Variants in NINL observed in about 807,000 individuals in gnomAD.
The protein encoded by NINL is ninein-like protein.
A neutral mutation model predicts 160.3 loss-of-function variants in NINL; 153 were observed. The observed-to-expected ratio is 0.95, with a 90% CI of 0.84 to 1.09. The LOEUF is 1.09. Among genes scored for constraint, NINL ranks in the 50% least tolerant of loss-of-function variants. NINL has a pLI of 0.00. For missense variants in NINL, 1,829 were observed against 1,764.0 expected (o/e 1.04, Z -0.66); for synonymous variants, 800 against 734.8 (o/e 1.09, Z -1.43).
At chr20:25,584,888 C>A (rs767858495) in intron 1 of NINL, among the ~76,000 whole-genome samples, 3 of 152,264 alleles carry the variant, frequency 2.0e-5, no homozygotes, top group Non-Finnish European at 4.4e-5. Flanking sequence ...AGGGGCGAAT[C>A]TGCAAAACGA....
chr20:25,543,051 A>AAG (rs1555875655), intron 1 of NINL, among the ~76,000 whole-genome samples: 8 of 151,640 alleles, frequency 5.3e-5, no homozygotes, highest in South Asian at 2.1e-4. Flanking sequence ...AAAAAAAAAA[A>AAG]AAAGAAAGAA....
chr20:25,576,586 G>A (rs2065117979), intron 1 of NINL, among the ~76,000 whole-genome samples: 1 of 152,120 alleles, frequency 6.6e-6, no homozygotes, highest in South Asian at 2.1e-4. Context: ...AGCTTCTCAA[G>A]TAGCTTGAAC....
chr20:25,560,318 C>T (rs148481128), intron 1 of NINL, among the ~76,000 whole-genome samples: 1 of 152,280 alleles, frequency 6.6e-6, no homozygotes, highest in African/African-American at 2.4e-5. Context: ...TTCATTATAA[C>T]CAGAGAGCAA....
At chr20:25,494,438 C>T (rs890826110) in intron 10 of NINL, among the ~76,000 whole-genome samples, 3 of 152,006 alleles carry the variant, frequency 2.0e-5, no homozygotes, top group Non-Finnish European at 4.4e-5. Context: ...ACCTGAGGTC[C>T]CATGAACGCT....
intron 1 of NINL, among the ~76,000 whole-genome samples, chr20:25,564,405 C>T (rs2064977609): frequency 6.6e-6 from 1 of 152,162 alleles, no homozygotes; most frequent in African/African-American, 2.4e-5. Flanking sequence ...GCAACCTCCA[C>T]CTCTTGGGTT....
intron 13 of NINL, among the ~76,000 whole-genome samples, chr20:25,485,881 T>C (rs1359219313): frequency 6.6e-6 from 1 of 152,268 alleles, no homozygotes; most frequent in African/African-American, 2.4e-5. Flanking sequence ...TTTAACATCC[T>C]TGACTCTGAA....
chr20:25,497,292 C>A (rs1419632045), intron 9 of NINL, among the ~76,000 whole-genome samples: 1 of 152,252 alleles, frequency 6.6e-6, no homozygotes, highest in Non-Finnish European at 1.5e-5. Context: ...GTGGTCTCAG[C>A]TCTGCCTGGC....
intron 16 of NINL, 102 bp downstream of exon 16, chr20:25,478,821 C>A (rs763533497): frequency 5.1e-6 from 7 of 1,374,462 alleles, no homozygotes; most frequent in Non-Finnish European, 6.8e-6. Flanking sequence ...ACCACCCAGT[C>A]GGGAGGCACA....
At chr20:25,471,662 T>C (rs1017550381) in intron 17 of NINL, among the ~76,000 whole-genome samples, 40 of 152,188 alleles carry the variant, frequency 2.6e-4, no homozygotes, top group African/African-American at 9.2e-4. Flanking sequence ...AACACAAAGC[T>C]GGGGGGACCT....
Position 25,476,405 on chromosome 20 carries a change from CA to C in NINL, c.2885del (p.Leu962ArgfsTer88). 1 of 1,575,020 alleles carries C rather than the reference CA, an allele frequency of 6.3e-7. No homozygotes were observed. On this transcript the variant is annotated frameshift_variant, in exon 17 of 24. Coordinates refer to ENST00000278886, the MANE Select transcript of NINL (RefSeq NM_025176.6). LOFTEE classifies it high-confidence loss of function. ...GTCCCCTGCACGAAGCGGCCGGCCT[CA>C]GGGGTGGCTCCCACATCCGTGGCTG... The part of the protein sequence containing the change: ...QTQPRMWEPP[L>X]RPAASCRGQA...
chr20:25,571,345 C>T (rs549961917), intron 1 of NINL, among the ~76,000 whole-genome samples: 7 of 152,296 alleles, frequency 4.6e-5, no homozygotes, highest in Admixed American at 6.5e-5. Context: ...GTGTCTGGCA[C>T]GCCAGGGTCA....
intron 13 of NINL, among the ~76,000 whole-genome samples, chr20:25,484,581 G>C (rs151019501): frequency 6.6e-6 from 1 of 152,212 alleles, no homozygotes; most frequent in African/African-American, 2.4e-5. Flanking sequence ...ATTTGGGCAC[G>C]AAAATAATTA....
intron 17 of NINL, among the ~76,000 whole-genome samples, chr20:25,473,494 TAAATA>T (rs71185303): frequency 0.012 from 1,742 of 142,144 alleles, 20 homozygotes; most frequent in African/African-American, 0.026. Context: ...AATAATAAAA[TAAATA>T]AAATAAAATA....
At chr20:25,542,112 T>C (rs2064673042) in intron 1 of NINL, among the ~76,000 whole-genome samples, 1 of 152,148 alleles carries the variant, frequency 6.6e-6, no homozygotes, top group African/African-American at 2.4e-5. Context: ...GAGTGGGCAG[T>C]GGGGACCCTG....
rs760977547 is a variant in NINL, at chr20:25,458,395, C to A, written c.3831G>T (p.Leu1277=). The change falls in exon 22 of 24, where the codon CTG becomes CTT. Residue 1277 remains leucine (L), a synonymous_variant. Transcript: ENST00000278886. ...CATCCCCACTTACCCGCTGTGCATC[C>A]AGGCGCCTCCTGGCCTGCTCTCCCT... ...SLQGEQARRR[L]DAQREEHEKQ... is the part of the protein sequence containing the mutation. 1 of 1,606,630 alleles carries A rather than the reference C, an allele frequency of 6.2e-7. No homozygotes were observed. Among genetic ancestry groups the A allele is most frequent in the Non-Finnish European group, 8.5e-7 (1 of 1,179,980 alleles).
At chr20:25,490,289 G>A (rs900416217) in intron 11 of NINL, among the ~76,000 whole-genome samples, 4 of 152,150 alleles carry the variant, frequency 2.6e-5, no homozygotes, top group Admixed American at 6.5e-5. Context: ...AGCCGGGCAC[G>A]GTGGCTCACG....
At chr20:25,584,416 C>T (rs7274550) in intron 1 of NINL, among the ~76,000 whole-genome samples, 10,993 of 152,246 alleles carry the variant, frequency 0.072, 569 homozygotes, top group African/African-American at 0.14. Context: ...GCCGAGATGG[C>T]GCCATTGCAC....
At chr20:25,480,669 A>C (rs763834801) in intron 14 of NINL, among the ~76,000 whole-genome samples, 1 of 152,216 alleles carries the variant, frequency 6.6e-6, no homozygotes, top group Non-Finnish European at 1.5e-5. Context: ...AGCTGTGTGC[A>C]CGGAGGTTAT....
intron 1 of NINL, among the ~76,000 whole-genome samples, chr20:25,578,707 G>A (rs1054984466): frequency 2.7e-5 from 4 of 150,536 alleles, no homozygotes; most frequent in African/African-American, 9.8e-5. Context: ...GCAGGAGAAT[G>A]GCGTGAACCT....
Sources: allele counts gnomAD v4.1 joint callset (sites outside exome capture counted in the v4.1 genomes callset), GRCh38; gene constraint gnomAD v4.1.1; transcripts MANE v1.5; gene names NCBI Gene and HGNC (gene_info 2026-07-23, HGNC 2026-07-21).